VAV3: variants seen among roughly 807,000 people sequenced by gnomAD.
VAV3 encodes the protein vav guanine nucleotide exchange factor 3, also known as guanine nucleotide exchange factor VAV3.
Under a neutral mutation model 131.2 loss-of-function variants are expected in VAV3, and 94 were observed. The ratio of observed to expected loss-of-function variants is 0.72; its 90% CI spans 0.61 to 0.85. The LOEUF is 0.85. Ranked by LOEUF, VAV3 falls within the 40% of genes least tolerant of loss-of-function variation. The pLI is 0.00. For missense variants in VAV3, 939 were observed against 1,002.7 expected (o/e 0.94, Z 0.86); for synonymous variants, 349 against 342.0 (o/e 1.02, Z -0.22).
intron 20 of VAV3, among the ~76,000 whole-genome samples, chr1:107,634,774 A>T (rs1654780920): frequency 6.6e-6 from 1 of 151,844 alleles, no homozygotes. Flanking sequence ...ACAAATTTAC[A>T]AGAAAAAAAC....
intron 1 of VAV3, among the ~76,000 whole-genome samples, chr1:107,906,755 C>T (rs10494084): frequency 0.36 from 55,036 of 151,812 alleles, 10,862 homozygotes; most frequent in African/African-American, 0.54. Context: ...ACCTTAATGA[C>T]TTTTTATGAT....
intron 2 of VAV3, among the ~76,000 whole-genome samples, chr1:107,798,842 T>C (rs1666691071): frequency 6.6e-6 from 1 of 152,034 alleles, no homozygotes; most frequent in Admixed American, 6.5e-5. Context: ...ATTTCTATAC[T>C]GTTAGAAATT....
At chr1:107,927,697 T>A (rs345304) in intron 1 of VAV3, among the ~76,000 whole-genome samples, 7 of 151,660 alleles carry the variant, frequency 4.6e-5, no homozygotes, top group Non-Finnish European at 7.4e-5. Flanking sequence ...CCTCTGCCTG[T>A]GGAAAGGGGA....
At chr1:107,864,458 C>CA (rs529112720) in intron 2 of VAV3, among the ~76,000 whole-genome samples, 6 of 151,832 alleles carry the variant, frequency 4.0e-5, no homozygotes, top group Non-Finnish European at 7.4e-5. Flanking sequence ...CCTGTCTCTA[C>CA]AAAAAAATGC....
chr1:107,808,802 A>T (rs1447790848), intron 2 of VAV3, among the ~76,000 whole-genome samples: 1 of 152,184 alleles, frequency 6.6e-6, no homozygotes, highest in Non-Finnish European at 1.5e-5. Flanking sequence ...TGAACAAATG[A>T]AGTTTTTTTC....
At chr1:107,724,673 T>C (rs954332194) in intron 15 of VAV3, among the ~76,000 whole-genome samples, 6 of 152,050 alleles carry the variant, frequency 3.9e-5, no homozygotes, top group African/African-American at 1.2e-4. Flanking sequence ...ATCTGAGTCT[T>C]AAAAGATAAA....
intron 22 of VAV3, 32 bp from the exon 23 acceptor site, chr1:107,603,195 T>C (rs370628545): frequency 1.3e-6 from 2 of 1,549,166 alleles, no homozygotes; most frequent in African/African-American, 2.7e-5. Flanking sequence ...AAAATTTGGA[T>C]AATATACCTG....
intron 1 of VAV3, among the ~76,000 whole-genome samples, chr1:107,944,955 GC>G (rs1674180508): frequency 1.3e-5 from 2 of 152,150 alleles, no homozygotes; most frequent in East Asian, 3.8e-4. Context: ...ATATGAAATA[GC>G]TTGCACTTTT....
At chr1:107,663,231 T>G (rs2101634309) in intron 19 of VAV3, among the ~76,000 whole-genome samples, 1 of 152,308 alleles carries the variant, frequency 6.6e-6, no homozygotes, top group African/African-American at 2.4e-5. Flanking sequence ...TTGCAGATAT[T>G]CAAATGGAAT....
At chr1:107,955,935 C>T (rs1170782016) in intron 1 of VAV3, among the ~76,000 whole-genome samples, 1 of 152,220 alleles carries the variant, frequency 6.6e-6, no homozygotes, top group Non-Finnish European at 1.5e-5. Context: ...CTCCATCACA[C>T]CCAATGTTCA....
intron 25 of VAV3, 38 bp from the exon 26 acceptor site, chr1:107,574,236 G>A: frequency 6.2e-7 from 1 of 1,602,292 alleles, no homozygotes; most frequent in Non-Finnish European, 8.5e-7. Context: ...TAGGTTTGCA[G>A]TTCGTTAACA....
At chr1:107,820,327 G>C (rs564290869) in intron 2 of VAV3, among the ~76,000 whole-genome samples, 1 of 152,238 alleles carries the variant, frequency 6.6e-6, no homozygotes, top group African/African-American at 2.4e-5. Flanking sequence ...GATAGAACTG[G>C]AGGACATTAT....
chr1:107,630,344 TGGG>T (rs1478285006), intron 20 of VAV3, among the ~76,000 whole-genome samples: 17 of 147,852 alleles, frequency 1.1e-4, no homozygotes, highest in East Asian at 2.0e-4. Flanking sequence ...GAAGAATGGA[TGGG>T]AGGATGGATG....
chr1:107,852,120 G>A (rs1669257374), intron 2 of VAV3, among the ~76,000 whole-genome samples: 2 of 152,040 alleles, frequency 1.3e-5, no homozygotes, highest in South Asian at 4.1e-4. Flanking sequence ...ACTACTAGAA[G>A]TTTGAATTGT....
chr1:107,676,712 T>C (rs1025342219), intron 19 of VAV3, among the ~76,000 whole-genome samples: 4 of 152,210 alleles, frequency 2.6e-5, no homozygotes, highest in Admixed American at 2.0e-4. Context: ...GACTGATAAC[T>C]TCATTTAAAC....
rs1558058537 is a variant in VAV3, at chr1:107,574,029, T to A, written c.2502+18A>T. 1 of 1,612,714 alleles carries A rather than the reference T, an allele frequency of 6.2e-7. No individual in the cohort carries two copies. The highest frequency in any genetic ancestry group is 1.7e-5 in the Admixed American group (1 of 59,968). On this transcript the variant is annotated intron_variant, in intron 26 of 26. Transcript: ENST00000370056. ...CCCTTCTTTCACATGCACCAGCACA[T>A]CGAGAGGGCCAACTTACCCTGCCAT...
At chr1:107,644,082 A>G (rs1272229490) in intron 19 of VAV3, among the ~76,000 whole-genome samples, 1 of 152,148 alleles carries the variant, frequency 6.6e-6, no homozygotes, top group Non-Finnish European at 1.5e-5. Context: ...CCTAACACCA[A>G]CAGCAGATTT....
chr1:107,810,077 T>G (rs1458661267), intron 2 of VAV3, among the ~76,000 whole-genome samples: 1 of 152,190 alleles, frequency 6.6e-6, no homozygotes, highest in Non-Finnish European at 1.5e-5. Flanking sequence ...AACAAACAAT[T>G]TTCAACAAAA....
intron 1 of VAV3, among the ~76,000 whole-genome samples, chr1:107,933,632 A>G (rs1209899538): frequency 2.0e-5 from 3 of 151,792 alleles, no homozygotes; most frequent in Non-Finnish European, 4.4e-5. Context: ...TGGGGAATGC[A>G]CTGAGACCCC....
Sources: allele counts gnomAD v4.1 joint callset (sites outside exome capture counted in the v4.1 genomes callset), GRCh38; gene constraint gnomAD v4.1.1; transcripts MANE v1.5; gene names NCBI Gene and HGNC (gene_info 2026-07-23, HGNC 2026-07-21).